DOK6: variants seen among roughly 807,000 people sequenced by gnomAD.
DOK6 encodes downstream of tyrosine kinase 6.
DOK6 carries 22 observed loss-of-function variants against 44.0 expected under a neutral mutation model. The observed-to-expected ratio is 0.50, with a 90% CI of 0.36 to 0.71. The LOEUF (loss-of-function observed/expected upper bound fraction) is 0.71. DOK6 is among the 30% of genes least tolerant of loss of function. The pLI, the probability that DOK6 is intolerant of heterozygous loss-of-function variation, is 0.00. For missense variants in DOK6, 340 were observed against 416.4 expected, an observed-to-expected ratio of 0.82 and a Z score of 1.60; for synonymous variants, 166 against 145.5, an observed-to-expected ratio of 1.14 and a Z score of -1.01.
At chr18:69,626,894 A>C (rs370111769) in intron 3 of DOK6, among the ~76,000 whole-genome samples, 2 of 152,290 alleles carry the variant, frequency 1.3e-5, no homozygotes, top group Admixed American at 1.3e-4. Context: ...TTCTAAAGTA[A>C]ATGCTCCAAG....
chr18:69,686,305 A>G (rs2144692643), intron 4 of DOK6, among the ~76,000 whole-genome samples: 1 of 152,216 alleles, frequency 6.6e-6, no homozygotes, highest in East Asian at 1.9e-4. Context: ...AACTTTGTAT[A>G]TATATTTTTT....
chr18:69,826,095 G>T (rs965626039), intron 7 of DOK6, among the ~76,000 whole-genome samples: 1 of 152,148 alleles, frequency 6.6e-6, no homozygotes, highest in South Asian at 2.1e-4. Flanking sequence ...GAGGATAAGA[G>T]CACCTCTCCT....
At chr18:69,690,878 G>C (rs905731583) in intron 4 of DOK6, among the ~76,000 whole-genome samples, 3 of 152,086 alleles carry the variant, frequency 2.0e-5, no homozygotes, top group African/African-American at 7.2e-5. Flanking sequence ...TATGTAAAAA[G>C]TGTTAAAGAA....
rs115680223 is a variant in DOK6 at position 69,715,223 on chromosome 18, C to T, written c.599+16630C>T. On this transcript the variant is annotated intron_variant, in intron 5 of 7. Coordinates refer to ENST00000382713, the MANE Select transcript of DOK6 (RefSeq NM_152721.6). Reference sequence around the variant, plus strand: ...CTGGAGATTAATTTTGCCCAGGCCACGCAGTTGTTTTTAGAATTAAGTGAG... The same window carrying T: ...CTGGAGATTAATTTTGCCCAGGCCATGCAGTTGTTTTTAGAATTAAGTGAG... 3.7e-3 allele frequency among the ~76,000 whole-genome samples: 558 copies of T among 152,164 alleles called. 6 individuals are homozygous for T. Among genetic ancestry groups the T allele is most frequent in the African/African-American group, 0.013 (539 of 41,530 alleles).
At chr18:69,567,848 T>C (rs1457179958) in intron 2 of DOK6, among the ~76,000 whole-genome samples, 1 of 152,206 alleles carries the variant, frequency 6.6e-6, no homozygotes, top group African/African-American at 2.4e-5. Context: ...TCTCTCACAC[T>C]GTCTGTCTCA....
At chr18:69,517,296 A>G (rs1007921567) in intron 1 of DOK6, among the ~76,000 whole-genome samples, 1 of 152,196 alleles carries the variant, frequency 6.6e-6, no homozygotes, top group Non-Finnish European at 1.5e-5. Context: ...CCATATGACC[A>G]TGTGAAACCA....
intron 1 of DOK6, among the ~76,000 whole-genome samples, chr18:69,518,075 T>C (rs1263645119): frequency 6.6e-6 from 1 of 152,174 alleles, no homozygotes; most frequent in African/African-American, 2.4e-5. Flanking sequence ...CTCTTAATAA[T>C]TTAGAGTATC....
chr18:69,585,896 C>A (rs1274621663), intron 2 of DOK6, among the ~76,000 whole-genome samples: 1 of 152,192 alleles, frequency 6.6e-6, no homozygotes, highest in East Asian at 1.9e-4. Flanking sequence ...TGTATGTCAG[C>A]AATCTGTCCC....
chr18:69,693,976 G>A (rs749629813), intron 4 of DOK6, among the ~76,000 whole-genome samples: 9 of 146,328 alleles, frequency 6.2e-5, no homozygotes, highest in East Asian at 2.0e-4. Context: ...GGAGAATGGC[G>A]TGAACCCGGG....
At chr18:69,706,974 GA>G in intron 5 of DOK6, among the ~76,000 whole-genome samples, 2 of 151,992 alleles carry the variant, frequency 1.3e-5, no homozygotes, top group Middle Eastern at 6.8e-3. Flanking sequence ...TTGCTATTGT[GA>G]ATAGTGCTGC....
In DOK6 at chr18:69,446,821, T is replaced by C. The variant is rs187901310; in HGVS notation, c.66+45511T>C. On this transcript the variant is annotated intron_variant, in intron 1 of 7. Coordinates refer to ENST00000382713, the MANE Select transcript of DOK6 (RefSeq NM_152721.6). ...TCTGATGGCCAGTGATGATGAGCAT[T>C]TTTTCATGTGTCTGTTGGCTGCATA... is the stretch of plus-strand genomic sequence containing the variant. 1.3e-4 allele frequency among the ~76,000 whole-genome samples: 20 copies of C among 152,340 alleles called. No individual in the cohort carries two copies. The East Asian group carries it at 3.7e-3, about 28-fold the overall frequency.
At chr18:69,416,381 G>A (rs114315591) in intron 1 of DOK6, among the ~76,000 whole-genome samples, 26 of 152,202 alleles carry the variant, frequency 1.7e-4, no homozygotes, top group African/African-American at 3.6e-4. Context: ...CAATTTAACC[G>A]ACTGTATAAA....
At chr18:69,429,834 A>T (rs1387614767) in intron 1 of DOK6, among the ~76,000 whole-genome samples, 13 of 151,874 alleles carry the variant, frequency 8.6e-5, no homozygotes, top group African/African-American at 3.1e-4. Context: ...TGCACAGTAT[A>T]AGATTCATTG....
rs932860309 is a variant in DOK6, at chr18:69,605,724, A to C, written c.289+6226A>C. ...GATAAAAACTATGAGAAAATAAAAA[A>C]TAGATGGGAACTTCCTCAACTTGAT... On this transcript the variant is annotated intron_variant, in intron 3 of 7. Coordinates refer to ENST00000382713, the MANE Select transcript of DOK6 (RefSeq NM_152721.6). Among the ~76,000 whole-genome samples the C allele has an allele frequency of 2.6e-5, 4 of 152,304 alleles. No individual in the cohort carries two copies. The South Asian group carries it at 8.3e-4, about 32-fold the overall frequency.
intron 5 of DOK6, among the ~76,000 whole-genome samples, chr18:69,729,144 A>AATAC (rs144500001): frequency 0.017 from 2,652 of 152,300 alleles, 72 homozygotes; most frequent in African/African-American, 0.06. Flanking sequence ...ACATATATAT[A>AATAC]ATATATACAT....
chr18:69,438,665 T>C (rs1979051658), intron 1 of DOK6, among the ~76,000 whole-genome samples: 1 of 152,206 alleles, frequency 6.6e-6, no homozygotes, highest in Non-Finnish European at 1.5e-5. Flanking sequence ...GGAATCACCA[T>C]TTGTGGCAGC....
chr18:69,507,051 G>C (rs1981210584), intron 1 of DOK6, among the ~76,000 whole-genome samples: 1 of 151,788 alleles, frequency 6.6e-6, no homozygotes, highest in Non-Finnish European at 1.5e-5. Flanking sequence ...GTTTGAGACA[G>C]AGTCTTTGTC....
intron 1 of DOK6, among the ~76,000 whole-genome samples, chr18:69,555,803 G>T (rs773579391): frequency 2.6e-5 from 4 of 152,192 alleles, no homozygotes; most frequent in Non-Finnish European, 5.9e-5. Flanking sequence ...TTCTGCAGAG[G>T]TCTATTTAAT....
At chr18:69,550,766 GTTGT>G (rs1183515039) in intron 1 of DOK6, among the ~76,000 whole-genome samples, 11 of 134,226 alleles carry the variant, frequency 8.2e-5, no homozygotes, top group African/African-American at 3.0e-4. Flanking sequence ...TTTTGTTGTT[GTTGT>G]TTCTTTCTTT....
Sources: allele counts gnomAD v4.1 joint callset (sites outside exome capture counted in the v4.1 genomes callset), GRCh38; gene constraint gnomAD v4.1.1; transcripts MANE v1.5; gene names NCBI Gene and HGNC (gene_info 2026-07-23, HGNC 2026-07-21).